HSD17B12: variants seen among roughly 807,000 people sequenced by gnomAD.
The protein encoded by HSD17B12 is hydroxysteroid 17-beta dehydrogenase 12, also known as very-long-chain 3-oxoacyl-CoA reductase.
Under a neutral mutation model 39.3 loss-of-function variants are expected in HSD17B12, and 32 were observed. The ratio of observed to expected loss-of-function variants is 0.81; its 90% CI spans 0.61 to 1.09. The LOEUF is 1.09. Ranked by LOEUF, HSD17B12 falls within the 50% of genes least tolerant of loss-of-function variation. The pLI is 0.00. For synonymous variants in HSD17B12, 150 were observed against 146.7 expected, an observed-to-expected ratio of 1.02 and a Z score of -0.16; for missense variants, 342 against 382.9, an observed-to-expected ratio of 0.89 and a Z score of 0.89.
chr11:43,714,072 T>C (rs764065406), intron 1 of HSD17B12, among the ~76,000 whole-genome samples: 1 of 152,200 alleles, frequency 6.6e-6, no homozygotes, highest in African/African-American at 2.4e-5. Flanking sequence ...ATTCTGTAGG[T>C]TGCCTGTTCA....
At chr11:43,637,844 G>A in the HSD17B12 span, among the ~76,000 whole-genome samples, 1 of 152,186 alleles carries the variant, frequency 6.6e-6, no homozygotes, top group African/African-American at 2.4e-5. Flanking sequence ...AAGAGAAAAA[G>A]TGATATGTAA....
At chr11:43,765,739 G>T (rs185685358) in intron 3 of HSD17B12, among the ~76,000 whole-genome samples, 1 of 152,234 alleles carries the variant, frequency 6.6e-6, no homozygotes, top group East Asian at 1.9e-4. Flanking sequence ...TTTTTCTGCA[G>T]TGTCTAATCT....
At chr11:43,844,507 T>A (rs1351578175) in intron 9 of HSD17B12, among the ~76,000 whole-genome samples, 1 of 151,994 alleles carries the variant, frequency 6.6e-6, no homozygotes, top group African/African-American at 2.4e-5. Context: ...ATCATAAGTG[T>A]AGTCTGTTGA....
the HSD17B12 span, among the ~76,000 whole-genome samples, chr11:43,562,729 A>C: frequency 6.6e-6 from 1 of 152,110 alleles, no homozygotes; most frequent in Non-Finnish European, 1.5e-5. Context: ...CCACATACAC[A>C]AGGTAAAGTC....
chr11:43,565,863 T>C, the HSD17B12 span, among the ~76,000 whole-genome samples: 1 of 152,198 alleles, frequency 6.6e-6, no homozygotes, highest in African/African-American at 2.4e-5. Flanking sequence ...AATGAGACAA[T>C]GAATGAGAAG....
the HSD17B12 span, among the ~76,000 whole-genome samples, chr11:43,600,435 T>TTA: frequency 4.6e-5 from 7 of 152,290 alleles, no homozygotes; most frequent in African/African-American, 1.7e-4. Flanking sequence ...CTGTAGTTAT[T>TTA]TATCCATTGT....
chr11:43,591,100 C>T, the HSD17B12 span, among the ~76,000 whole-genome samples: 1 of 151,898 alleles, frequency 6.6e-6, no homozygotes, highest in Non-Finnish European at 1.5e-5. Context: ...GGAAAAGTTT[C>T]CCCCCAGTGA....
At chr11:43,650,317 A>G in the HSD17B12 span, among the ~76,000 whole-genome samples, 5 of 152,242 alleles carry the variant, frequency 3.3e-5, no homozygotes, top group African/African-American at 9.6e-5. Flanking sequence ...AAGATTATGA[A>G]CAGGTGTTAT....
intron 6 of HSD17B12, among the ~76,000 whole-genome samples, chr11:43,822,512 G>A (rs563671515): frequency 7.9e-5 from 12 of 152,132 alleles, no homozygotes; most frequent in East Asian, 1.9e-4. Context: ...GCCCTGGGGT[G>A]TGATGTTCCC....
intron 8 of HSD17B12, among the ~76,000 whole-genome samples, 182 bp from the exon 9 acceptor site, chr11:43,839,817 G>A (rs1018463109): frequency 5.3e-5 from 8 of 151,968 alleles, no homozygotes; most frequent in African/African-American, 1.9e-4. Context: ...TCATTTAGTG[G>A]CAGATAAAAA....
intron 1 of HSD17B12, among the ~76,000 whole-genome samples, chr11:43,721,469 A>T (rs1950175645): frequency 6.6e-6 from 1 of 151,868 alleles, no homozygotes. Flanking sequence ...ATACAAAAAC[A>T]TTGGCTGGGC....
intron 1 of HSD17B12, among the ~76,000 whole-genome samples, chr11:43,728,140 A>G (rs986300716): frequency 6.6e-6 from 1 of 151,754 alleles, no homozygotes; most frequent in Non-Finnish European, 1.5e-5. Context: ...ATCTCCACTC[A>G]CTGCAACCTC....
the HSD17B12 span, among the ~76,000 whole-genome samples, chr11:43,648,819 C>T: frequency 6.6e-6 from 1 of 152,158 alleles, no homozygotes; most frequent in Non-Finnish European, 1.5e-5. Flanking sequence ...GCAACCTCCA[C>T]CTCCTGGGTT....
chr11:43,584,474 T>C, the HSD17B12 span: 1 of 152,404 alleles, frequency 6.6e-6, no homozygotes, highest in Non-Finnish European at 1.5e-5. Flanking sequence ...ACTGCTTGAT[T>C]TCATGTGAAA....
chr11:43,757,659 A>C (rs1255359142), intron 3 of HSD17B12, among the ~76,000 whole-genome samples: 60 of 143,950 alleles, frequency 4.2e-4, no homozygotes, highest in African/African-American at 1.4e-3. Flanking sequence ...AAAAAAAAAA[A>C]AAAAAAAACA....
intron 3 of HSD17B12, among the ~76,000 whole-genome samples, chr11:43,766,300 T>C (rs4354679): frequency 0.022 from 3,367 of 152,270 alleles, 104 homozygotes; most frequent in East Asian, 0.078. Flanking sequence ...CTCATAATGG[T>C]CTAGAAAATC....
the HSD17B12 span, among the ~76,000 whole-genome samples, chr11:43,582,681 T>C: frequency 6.6e-6 from 1 of 152,174 alleles, no homozygotes; most frequent in Admixed American, 6.5e-5. Context: ...CCCACCGTCA[T>C]TAACCTGTCC....
At chr11:43,581,281 T>C in the HSD17B12 span, 1 of 458,472 alleles carries the variant, frequency 2.2e-6, no homozygotes, top group Non-Finnish European at 4.5e-6. This position sits in a 1 kb window ranked among gnomAD's most constrained non-coding sequence, Gnocchi z 4.9. Context: ...GCGCGCGGAG[T>C]GGTGAGACTG....
chr11:43,624,646 A>G, the HSD17B12 span, among the ~76,000 whole-genome samples: 1 of 151,896 alleles, frequency 6.6e-6, no homozygotes, highest in Admixed American at 6.6e-5. Flanking sequence ...ATTCAAAAGT[A>G]ATTATATTGA....
Sources: allele counts gnomAD v4.1 joint callset (sites outside exome capture counted in the v4.1 genomes callset), GRCh38; gene constraint gnomAD v4.1.1; non-coding constraint Gnocchi (gnomAD v3.1); transcripts MANE v1.5; gene names NCBI Gene and HGNC (gene_info 2026-07-23, HGNC 2026-07-21).